Variants in SPOCK3 observed in about 807,000 individuals in gnomAD.
SPOCK3 encodes SPARC (osteonectin), cwcv and kazal like domains proteoglycan 3.
SPOCK3 carries 30 observed loss-of-function variants against 56.6 expected under a neutral mutation model. The observed-to-expected ratio is 0.53, with a 90% CI of 0.40 to 0.72. SPOCK3 has a LOEUF of 0.72. SPOCK3 is among the 30% of genes least tolerant of loss of function. The pLI is 0.00. For synonymous variants in SPOCK3, 196 were observed against 183.3 expected, an observed-to-expected ratio of 1.07 and a Z score of -0.56; for missense variants, 527 against 530.0, an observed-to-expected ratio of 0.99 and a Z score of 0.06.
intron 4 of SPOCK3, among the ~76,000 whole-genome samples, chr4:166,939,809 G>A (rs573941700): frequency 6.6e-6 from 1 of 152,234 alleles, no homozygotes; most frequent in African/African-American, 2.4e-5. Flanking sequence ...AGGAAAAGCT[G>A]TTCCAACAAA....
At chr4:167,229,583 G>A (rs1736947091) in intron 2 of SPOCK3, among the ~76,000 whole-genome samples, 1 of 151,914 alleles carries the variant, frequency 6.6e-6, no homozygotes, top group African/African-American at 2.4e-5. Flanking sequence ...AATAATCTGT[G>A]CACTTAAGAA....
chr4:167,160,121 T>G (rs930388639), intron 2 of SPOCK3, among the ~76,000 whole-genome samples: 1 of 152,164 alleles, frequency 6.6e-6, no homozygotes, highest in African/African-American at 2.4e-5. Context: ...GCAGATGACA[T>G]GATTGTATAT....
intron 4 of SPOCK3, among the ~76,000 whole-genome samples, chr4:166,947,824 T>C (rs1407165900): frequency 6.6e-6 from 1 of 152,212 alleles, no homozygotes; most frequent in East Asian, 1.9e-4. Context: ...TAAGGGTAAT[T>C]AGCATGTCCA....
At chr4:167,036,410 CCAGT>C (rs2150191030) in intron 3 of SPOCK3, among the ~76,000 whole-genome samples, 1 of 152,164 alleles carries the variant, frequency 6.6e-6, no homozygotes, top group South Asian at 2.1e-4. Flanking sequence ...AGCCTTGTGC[CCAGT>C]CACAGTTTCA....
chr4:167,088,625 C>T (rs1758418707), intron 2 of SPOCK3, among the ~76,000 whole-genome samples: 1 of 151,760 alleles, frequency 6.6e-6, no homozygotes, highest in Admixed American at 6.6e-5. Flanking sequence ...CCACCATGCC[C>T]AGCTAACTTT....
chr4:166,948,210 T>C (rs1391103066), intron 4 of SPOCK3, among the ~76,000 whole-genome samples: 3 of 152,130 alleles, frequency 2.0e-5, no homozygotes, highest in Non-Finnish European at 4.4e-5. Flanking sequence ...AATGGTCGAA[T>C]AGTATTCCAT....
At chr4:166,828,483 T>C (rs1220055573) in intron 6 of SPOCK3, among the ~76,000 whole-genome samples, 4 of 152,008 alleles carry the variant, frequency 2.6e-5, no homozygotes, top group East Asian at 1.9e-4. Context: ...GTGTAACTTA[T>C]CATATTATGT....
chr4:166,830,438 C>T (rs555971578), intron 6 of SPOCK3, among the ~76,000 whole-genome samples: 3 of 152,222 alleles, frequency 2.0e-5, no homozygotes, highest in East Asian at 3.9e-4. Flanking sequence ...TCTTCTTCAG[C>T]TTGTATCATA....
rs138786124 is a variant in SPOCK3 at position 166,959,566 on chromosome 4, C to T, written c.350+40783G>A. Among the ~76,000 whole-genome samples, 293 of 150,968 alleles carry T rather than the reference C, an allele frequency of 1.9e-3. 3 individuals carry two copies. In the East Asian group the frequency reaches 0.023, roughly 12 times the overall value. ...GGTGGAGGTTGCAGTGAGCTGAGAT[C>T]GCACCATTGCACTCCAGCCTGGGCA... On this transcript the variant is annotated intron_variant, in intron 4 of 10. Transcript: ENST00000357545.
chr4:167,164,049 G>A (rs1000791265), intron 2 of SPOCK3, among the ~76,000 whole-genome samples: 1 of 152,004 alleles, frequency 6.6e-6, no homozygotes, highest in Non-Finnish European at 1.5e-5. Flanking sequence ...AGGATTTAAG[G>A]TTAAAATTTC....
intron 2 of SPOCK3, among the ~76,000 whole-genome samples, chr4:167,103,093 C>T (rs1000039984): frequency 1.3e-5 from 2 of 151,948 alleles, no homozygotes; most frequent in African/African-American, 4.8e-5. Flanking sequence ...AGGGAACACC[C>T]TGGGCCAGAA....
intron 2 of SPOCK3, among the ~76,000 whole-genome samples, chr4:167,165,712 A>G (rs1350173792): frequency 1.3e-5 from 2 of 152,114 alleles, no homozygotes; most frequent in African/African-American, 4.8e-5. Flanking sequence ...TAAATGCCAT[A>G]AGGAATGACT....
intron 3 of SPOCK3, among the ~76,000 whole-genome samples, chr4:167,010,319 G>A (rs939359298): frequency 6.6e-6 from 1 of 151,932 alleles, no homozygotes; most frequent in Non-Finnish European, 1.5e-5. Flanking sequence ...TCAAGAGTTT[G>A]AGGCTACCCT....
In SPOCK3 at chr4:167,085,561, T is replaced by C. The variant is rs1758117725; in HGVS notation, c.190-23024A>G. ...TTTCTTTTAATGAGGGAGAGCCATGTGGCGAAATTCATCGTTTGAAAAGAG... is the reference window on the plus strand; with the variant it reads ...TTTCTTTTAATGAGGGAGAGCCATGCGGCGAAATTCATCGTTTGAAAAGAG... On this transcript the variant is annotated intron_variant, in intron 2 of 10. Coordinates refer to ENST00000357545, the MANE Select transcript of SPOCK3 (RefSeq NM_001040159.2). 4.6e-5 allele frequency among the ~76,000 whole-genome samples: 7 copies of C among 152,286 alleles called. No individual in the cohort carries two copies. The South Asian group carries it at 1.4e-3, about 32-fold the overall frequency.
At chr4:166,952,482 C>G (rs903663140) in intron 4 of SPOCK3, among the ~76,000 whole-genome samples, 4 of 152,098 alleles carry the variant, frequency 2.6e-5, no homozygotes, top group African/African-American at 9.7e-5. Flanking sequence ...TAGGAAGAAT[C>G]AATATCGTGA....
chr4:167,146,634 AT>A (rs1763983389), intron 2 of SPOCK3, among the ~76,000 whole-genome samples: 1 of 152,318 alleles, frequency 6.6e-6, no homozygotes, highest in Non-Finnish European at 1.5e-5. Flanking sequence ...GTGCAATCAA[AT>A]TAGAACTCAG....
intron 6 of SPOCK3, among the ~76,000 whole-genome samples, chr4:166,814,907 C>A (rs867058356): frequency 9.9e-5 from 15 of 152,052 alleles, no homozygotes; most frequent in African/African-American, 3.6e-4. Flanking sequence ...TGTAAAAAGA[C>A]TGCATGGTAA....
intron 6 of SPOCK3, among the ~76,000 whole-genome samples, chr4:166,813,945 T>C (rs959792294): frequency 4.6e-5 from 7 of 152,148 alleles, no homozygotes; most frequent in African/African-American, 9.6e-5. Flanking sequence ...TCTGCTAAAA[T>C]TGAAGCACAA....
chr4:166,994,457 GGGCTCTCTAC>G (rs1748145097), intron 4 of SPOCK3, among the ~76,000 whole-genome samples: 1 of 151,976 alleles, frequency 6.6e-6, no homozygotes, highest in African/African-American at 2.4e-5. Context: ...CATACATTCT[GGGCTCTCTAC>G]AGAATGAATT....
Sources: gnomAD v4.1 joint callset for allele counts (sites outside exome capture counted in the v4.1 genomes callset) on GRCh38, gnomAD v4.1.1 for gene constraint, MANE v1.5 for transcripts, NCBI Gene and HGNC (gene_info 2026-07-23, HGNC 2026-07-21) for gene names.